Variants in MNS1 observed in about 807,000 individuals in gnomAD.
MNS1 encodes meiosis-specific nuclear structural protein 1.
A neutral mutation model predicts 72.0 loss-of-function variants in MNS1; 63 were observed. The ratio of observed to expected loss-of-function variants is 0.87; its 90% confidence interval spans 0.71 to 1.08. The LOEUF (loss-of-function observed/expected upper bound fraction) is 1.08. Ranked by LOEUF, MNS1 falls within the 50% of genes least tolerant of loss-of-function variation. The probability of loss-of-function intolerance (pLI) is 0.00; values close to 1 mark genes in which losing one functional copy is unlikely to be tolerated. For synonymous variants in MNS1, 188 were observed against 172.1 expected, an observed-to-expected ratio of 1.09 and a Z score of -0.72; for missense variants, 604 against 562.4, an observed-to-expected ratio of 1.07 and a Z score of -0.75.
At position 56,428,830 on chromosome 15, in the gene MNS1, C is replaced by A; in HGVS notation, c.*271G>T. ...CTTTGGGGTAGAGTTCTGTATTAGT[C>A]AAGGTAAATATACTGTCTTGAGGAT... On this transcript the variant is annotated 3_prime_UTR_variant, in exon 10 of 10. Coordinates refer to ENST00000260453, the MANE Select transcript of MNS1 (RefSeq NM_018365.4). The A allele has an allele frequency of 2.6e-6, 1 of 390,644 alleles. No homozygotes were observed. The highest frequency in any genetic ancestry group is 4.7e-5 in the East Asian group (1 of 21,212). The allele number at this position is 390,644 out of a possible 1,614,324, so 24.2% of individuals were successfully genotyped here.
chr15:56,437,680 T>C (rs1248249711), intron 7 of MNS1, among the ~76,000 whole-genome samples: 5 of 152,036 alleles, frequency 3.3e-5, no homozygotes, highest in African/African-American at 9.7e-5. Context: ...CAAATTGTCC[T>C]TGTTTGCAGA....
chr15:56,446,797 T>C (rs1452280181), intron 4 of MNS1, 44 bp downstream of exon 4: 1 of 1,414,722 alleles, frequency 7.1e-7, no homozygotes. Flanking sequence ...TAATTTTTAT[T>C]TTCTAAATGA....
At chr15:56,459,553 A>G (rs930606901) in intron 2 of MNS1, among the ~76,000 whole-genome samples, 2 of 152,228 alleles carry the variant, frequency 1.3e-5, no homozygotes, top group Non-Finnish European at 2.9e-5. Context: ...TTAAGCAGCT[A>G]AGTTTGTGGT....
chr15:56,451,228 T>G (rs947391716), intron 3 of MNS1, among the ~76,000 whole-genome samples: 15 of 152,172 alleles, frequency 9.9e-5, no homozygotes, highest in African/African-American at 3.6e-4. Context: ...CCAAGGTAGG[T>G]TAGAACAGAT....
At chr15:56,464,933 A>C (rs1567156144) in intron 1 of MNS1, 37 bp downstream of exon 1, 1 of 1,611,048 alleles carries the variant, frequency 6.2e-7, no homozygotes, top group Admixed American at 1.7e-5. Context: ...TTAAATCAAC[A>C]ATAAACAAGT....
rs1460323839 is a variant in MNS1 at position 56,444,544 on chromosome 15, C to G, written c.586G>C (p.Glu196Gln). The G allele has an allele frequency of 1.2e-6, 2 of 1,610,856 alleles. No individual in the cohort carries two copies. The highest frequency in any genetic ancestry group is 1.7e-6 in the Non-Finnish European group (2 of 1,178,790). Residue 196 changes from glutamate (E) to glutamine (Q), a missense_variant, in exon 5 of 10, where the codon GAA (glutamate) becomes CAA (glutamine). By Grantham distance (29) the Glu-to-Gln change is conservative (BLOSUM62 2). Coordinates refer to ENST00000260453, the MANE Select transcript of MNS1 (RefSeq NM_018365.4). ...QYYLDLEKQL[E>Q]EQEKKKQEAY... ...TCCTGCTTTTTTTTTTCTTGTTCTT[C>G]AAGTTGTTTCTCTAAGTCAAGATAG...
intron 9 of MNS1, 43 bp downstream of exon 9, chr15:56,431,330 T>G (rs749647988): frequency 2.5e-6 from 4 of 1,599,540 alleles, no homozygotes; most frequent in Non-Finnish European, 3.4e-6. Flanking sequence ...TTTTTCACTA[T>G]TACAGGTCAT....
At chr15:56,455,298 G>C (rs1335792881) in intron 3 of MNS1, among the ~76,000 whole-genome samples, 1 of 148,598 alleles carries the variant, frequency 6.7e-6, no homozygotes, top group Non-Finnish European at 1.5e-5. Flanking sequence ...ATGATGGTTG[G>C]AGAATTAGGG....
Position 56,464,978 on chromosome 15 carries a change from C to T in MNS1, c.-6G>A. 1 of 1,610,242 alleles carries T rather than the reference C, an allele frequency of 6.2e-7. No homozygotes were observed. The highest frequency in any genetic ancestry group is 8.5e-7 in the Non-Finnish European group (1 of 1,178,584). On this transcript the variant is annotated 5_prime_UTR_variant, in exon 1 of 10. Coordinates refer to ENST00000260453, the MANE Select transcript of MNS1 (RefSeq NM_018365.4). ...TCCCCCAACTGGCTCACCATCTTGGCTGACGAAAAATACCCCCTCTCGTGG... is the reference window on the plus strand; with the variant it reads ...TCCCCCAACTGGCTCACCATCTTGGTTGACGAAAAATACCCCCTCTCGTGG...
intron 3 of MNS1, among the ~76,000 whole-genome samples, chr15:56,454,346 G>C (rs2140373822): frequency 7.1e-6 from 1 of 141,196 alleles, no homozygotes; most frequent in East Asian, 2.0e-4. Flanking sequence ...TTTATCATTT[G>C]TGTTACAAAC....
chr15:56,447,441 T>C (rs1397610613), intron 3 of MNS1: 1 of 152,200 alleles, frequency 6.6e-6, no homozygotes, highest in Admixed American at 6.5e-5. Flanking sequence ...TATATCCTTC[T>C]AATTATTTGG....
intron 8 of MNS1, among the ~76,000 whole-genome samples, 156 bp from the exon 9 acceptor site, chr15:56,431,654 A>G (rs775711209): frequency 1.3e-5 from 2 of 151,976 alleles, no homozygotes; most frequent in African/African-American, 2.4e-5. Flanking sequence ...TTTAAAATAT[A>G]TATTTTATGT....
rs565048570 is a variant in MNS1, at chr15:56,457,956, C to T, written c.226-1435G>A. On this transcript the variant is annotated intron_variant, in intron 2 of 9. Coordinates refer to ENST00000260453, the MANE Select transcript of MNS1 (RefSeq NM_018365.4). ...GCAGATTTATTCATAATAGCCAATA[C>T]CAAAAATACTCCAGACATCCTTCAT... 5.3e-5 allele frequency among the ~76,000 whole-genome samples: 8 copies of T among 152,154 alleles called. No homozygotes were observed. The East Asian group carries it at 1.5e-3, about 29-fold the overall frequency.
chr15:56,450,072 C>A (rs2050938025), intron 3 of MNS1, among the ~76,000 whole-genome samples: 1 of 152,124 alleles, frequency 6.6e-6, no homozygotes, highest in Admixed American at 6.5e-5. Context: ...TTATTGCCTT[C>A]CTCCTACCTT....
In MNS1 at chr15:56,434,095, G is replaced by A. The variant is rs748047307; in HGVS notation, c.1269+43C>T. ...AGTGGATGATAGATGAGCTATTGCT[G>A]TTTAATGATAATGACCAAAAAAACC... On this transcript the variant is annotated intron_variant, in intron 8 of 9. Coordinates refer to ENST00000260453, the MANE Select transcript of MNS1 (RefSeq NM_018365.4). The A allele has an allele frequency of 2.0e-5, 31 of 1,583,722 alleles. No homozygotes were observed. In the South Asian group the frequency reaches 3.3e-4, roughly 17 times the overall value.
At position 56,464,014 on chromosome 15, in the gene MNS1, A is replaced by G; in HGVS notation, c.225+12T>C. The G allele has an allele frequency of 1.3e-6, 2 of 1,592,930 alleles. No homozygotes were observed. The highest frequency in any genetic ancestry group is 2.7e-5 in the African/African-American group (2 of 73,924). ...AATGAAAAAAAAAGTAACAATGAAT[A>G]GTAAAACTTACCTTTTGAATGGCCT... On this transcript the variant is annotated intron_variant, in intron 2 of 9. Transcript: ENST00000260453.
At chr15:56,433,973 A>G (rs1284269740) in intron 8 of MNS1, among the ~76,000 whole-genome samples, 165 bp downstream of exon 8, 4 of 152,194 alleles carry the variant, frequency 2.6e-5, no homozygotes, top group Non-Finnish European at 4.4e-5. Context: ...AAGCATCAAT[A>G]AATATTTTCT....
chr15:56,457,862 T>C (rs2050991169), intron 2 of MNS1, among the ~76,000 whole-genome samples: 1 of 151,542 alleles, frequency 6.6e-6, no homozygotes, highest in Non-Finnish European at 1.5e-5. Flanking sequence ...TCAACAATTT[T>C]ACCTCTTAAG....
chr15:56,454,878 G>A (rs558407785), intron 3 of MNS1, among the ~76,000 whole-genome samples: 16 of 151,984 alleles, frequency 1.1e-4, no homozygotes, highest in Admixed American at 7.9e-4. Flanking sequence ...CTTAATCTGT[G>A]TCTAATAAAA....
Sources: gnomAD v4.1 joint callset for allele counts (sites outside exome capture counted in the v4.1 genomes callset) on GRCh38, gnomAD v4.1.1 for gene constraint, MANE v1.5 for transcripts, NCBI Gene and HGNC (gene_info 2026-07-23, HGNC 2026-07-21) for gene names.